The following BCAS4 variants were observed in gnomAD, a reference collection of about 807,000 sequenced individuals.
The protein encoded by BCAS4 is breast carcinoma amplified sequence 4, also known as breast carcinoma-amplified sequence 4.
In BCAS4, 9 loss-of-function variants were observed where a neutral mutation model predicts 15.7. The ratio of observed to expected loss-of-function variants is 0.57; its 90% CI spans 0.34 to 1.00. BCAS4 has a LOEUF of 1.00. Ranked by LOEUF, BCAS4 falls within the 50% of genes least tolerant of loss-of-function variation. The pLI is 0.02. For synonymous variants in BCAS4, 101 were observed against 99.5 expected, an observed-to-expected ratio of 1.02 and a Z score of -0.09; for missense variants, 225 against 239.1, an observed-to-expected ratio of 0.94 and a Z score of 0.39.
intron 2 of BCAS4, 125 bp downstream of exon 2, chr20:50,818,407 G>A (rs1389685439): frequency 6.7e-6 from 6 of 896,130 alleles, no homozygotes; most frequent in Admixed American, 2.3e-5. Flanking sequence ...AGCGGCCAGC[G>A]CTGAGAGGAA....
At chr20:50,825,919 G>A (rs897627123) in intron 2 of BCAS4, among the ~76,000 whole-genome samples, 1 of 151,854 alleles carries the variant, frequency 6.6e-6, no homozygotes, top group African/African-American at 2.4e-5. Context: ...CAAAAATAAG[G>A]GGGAAAAAAA....
intron 3 of BCAS4, chr20:50,840,860 A>G: frequency 1.2e-6 from 1 of 841,624 alleles, no homozygotes; most frequent in South Asian, 1.4e-5. Flanking sequence ...ACGGAGTTTC[A>G]CTCTTGTCGC....
At chr20:50,824,048 C>G (rs940938795) in intron 2 of BCAS4, among the ~76,000 whole-genome samples, 6 of 152,128 alleles carry the variant, frequency 3.9e-5, no homozygotes, top group Non-Finnish European at 8.8e-5. Context: ...TAACAAATGG[C>G]AGCTACTAAT....
intron 4 of BCAS4, among the ~76,000 whole-genome samples, chr20:50,858,786 C>T (rs1434369876): frequency 7.5e-6 from 1 of 133,852 alleles, no homozygotes; most frequent in East Asian, 2.2e-4. Context: ...AATGCAGTGA[C>T]ACAGATCATA....
chr20:50,818,660 T>C (rs191289277), intron 2 of BCAS4, among the ~76,000 whole-genome samples: 54 of 152,288 alleles, frequency 3.5e-4, no homozygotes, highest in Non-Finnish European at 7.1e-4. Flanking sequence ...TGTGCAAACA[T>C]GGAGACAGCC....
chr20:50,803,249 G>A (rs76891924), intron 1 of BCAS4, among the ~76,000 whole-genome samples: 7,537 of 152,304 alleles, frequency 0.049, 272 homozygotes, highest in African/African-American at 0.096. Flanking sequence ...GTGCCATAGC[G>A]ATTCTTCTGA....
At chr20:50,795,336 C>A (rs1410754164) in intron 1 of BCAS4, among the ~76,000 whole-genome samples, 163 bp downstream of exon 1, 2 of 152,138 alleles carry the variant, frequency 1.3e-5, no homozygotes, top group African/African-American at 2.4e-5. Flanking sequence ...CAGAGATGTG[C>A]AGCGGGTCGT....
At chr20:50,815,957 T>C (rs1205389806) in intron 1 of BCAS4, among the ~76,000 whole-genome samples, 1 of 152,094 alleles carries the variant, frequency 6.6e-6, no homozygotes, top group African/African-American at 2.4e-5. Context: ...ATTACAAAAA[T>C]AACAACAGAA....
At chr20:50,866,944 C>G (rs1979388610) in intron 4 of BCAS4, among the ~76,000 whole-genome samples, 1 of 152,288 alleles carries the variant, frequency 6.6e-6, no homozygotes, top group Admixed American at 6.5e-5. Context: ...GGGCCGGGCA[C>G]TCTGTAAATG....
chr20:50,863,247 G>GTT (rs1979183015), intron 4 of BCAS4, among the ~76,000 whole-genome samples: 5 of 121,544 alleles, frequency 4.1e-5, no homozygotes, highest in Admixed American at 8.1e-5. Flanking sequence ...GCTAACTGGT[G>GTT]CTTTTTTTTT....
At chr20:50,802,910 G>A (rs2087945572) in intron 1 of BCAS4, among the ~76,000 whole-genome samples, 1 of 151,432 alleles carries the variant, frequency 6.6e-6, no homozygotes, top group African/African-American at 2.4e-5. Flanking sequence ...GGCTGGCCAT[G>A]GTGGCTCATG....
chr20:50,829,346 G>A (rs1370843474), intron 2 of BCAS4, among the ~76,000 whole-genome samples: 1 of 152,084 alleles, frequency 6.6e-6, no homozygotes, highest in Non-Finnish European at 1.5e-5. Context: ...GGGTTCAAGC[G>A]ATTCTGCTGC....
At chr20:50,825,189 C>T (rs1325311282) in intron 2 of BCAS4, among the ~76,000 whole-genome samples, 3 of 152,180 alleles carry the variant, frequency 2.0e-5, no homozygotes, top group Admixed American at 6.5e-5. Flanking sequence ...CTGTTGGTAT[C>T]GTGCCCCTCT....
At chr20:50,862,975 C>T (rs907354671) in intron 4 of BCAS4, among the ~76,000 whole-genome samples, 8 of 152,084 alleles carry the variant, frequency 5.3e-5, no homozygotes, top group Admixed American at 1.3e-4. Context: ...GAATTATAGG[C>T]GCATGCCACC....
intron 4 of BCAS4, among the ~76,000 whole-genome samples, chr20:50,847,356 G>C (rs2088559227): frequency 6.6e-6 from 1 of 152,156 alleles, no homozygotes; most frequent in Admixed American, 6.5e-5. Flanking sequence ...CAAAGTGTCG[G>C]GATTATAGGT....
intron 4 of BCAS4, among the ~76,000 whole-genome samples, chr20:50,842,847 C>T (rs186591672): frequency 3.5e-4 from 54 of 152,356 alleles, no homozygotes; most frequent in Middle Eastern, 3.4e-3. Flanking sequence ...TGTCACCTAG[C>T]GGGGCCTCTT....
chr20:50,796,504 T>A (rs1411489216), intron 1 of BCAS4, among the ~76,000 whole-genome samples: 4 of 51,278 alleles, frequency 7.8e-5, no homozygotes, highest in African/African-American at 2.9e-4. Flanking sequence ...TTTTTTTTTT[T>A]TTTTTTTTTG....
At position 50,795,087 on chromosome 20, in the gene BCAS4, C is replaced by T. The variant is rs1379839980; in HGVS notation, c.4C>T (p.Leu2=). 1.3e-6 allele frequency: 2 copies of T among 1,504,430 alleles called. No individual in the cohort carries two copies. Among genetic ancestry groups the T allele is most frequent in the Non-Finnish European group, 1.8e-6 (2 of 1,127,896 alleles). 93.2% of individuals were successfully genotyped at this position (1,504,430 alleles called of 1,614,324 possible). A position where few individuals can be genotyped will look rare whatever the true frequency, so the allele number is the denominator to read the frequency against. ...GCCGGACCCCGTCGCCCTCCTGATG[C>T]TGCTCGTGGACGCTGATCAGCCGGA... The part of the protein sequence containing the change: M[L]LVDADQPEPM... The change falls in exon 1 of 5, where the codon CTG becomes TTG. Residue 2 remains leucine, a synonymous_variant. Transcript: ENST00000371608.
chr20:50,879,420 G>A (rs1980073602), downstream of BCAS4: 1 of 152,480 alleles, frequency 6.6e-6, no homozygotes, highest in African/African-American at 2.4e-5. Context: ...GGGAGGCTGA[G>A]GCAGGAGAAT....
Sources: gnomAD v4.1 joint callset for allele counts (sites outside exome capture counted in the v4.1 genomes callset) on GRCh38, gnomAD v4.1.1 for gene constraint, MANE v1.5 for transcripts, NCBI Gene and HGNC (gene_info 2026-07-23, HGNC 2026-07-21) for gene names.